RORB: variants seen among roughly 807,000 people sequenced by gnomAD.
RORB encodes nuclear receptor ROR-beta.
RORB carries 6 observed loss-of-function variants against 59.1 expected under a neutral mutation model. That is an observed-to-expected ratio of 0.10 (90% CI 0.06 to 0.20). RORB has a LOEUF of 0.20. RORB is among the 10% of genes least tolerant of loss of function. The pLI, the probability that RORB is intolerant of heterozygous loss-of-function variation, is 1.00. For synonymous variants in RORB, 215 were observed against 204.5 expected, an observed-to-expected ratio of 1.05 and a Z score of -0.44; for missense variants, 320 against 560.5, an observed-to-expected ratio of 0.57 and a Z score of 4.33.
intron 3 of RORB, 85 bp downstream of exon 3, chr9:74,634,857 T>C: frequency 7.9e-7 from 1 of 1,260,952 alleles, no homozygotes; most frequent in East Asian, 2.5e-5. Context: ...GGAAGAATTC[T>C]AGATGAGGGA....
At chr9:74,631,961 C>G (rs577464783) in intron 2 of RORB, among the ~76,000 whole-genome samples, 2 of 152,258 alleles carry the variant, frequency 1.3e-5, no homozygotes, top group African/African-American at 4.8e-5. Flanking sequence ...GAATCCTCTC[C>G]ATTGAAAGTA....
At chr9:74,596,312 G>C (rs890855442) in intron 1 of RORB, among the ~76,000 whole-genome samples, 2 of 152,078 alleles carry the variant, frequency 1.3e-5, no homozygotes, top group Non-Finnish European at 2.9e-5. Context: ...GAGAATTAAC[G>C]AATAAAAAGG....
chr9:74,516,357 G>A (rs1428337768), intron 1 of RORB, among the ~76,000 whole-genome samples: 1 of 151,972 alleles, frequency 6.6e-6, no homozygotes, highest in African/African-American at 2.4e-5. Flanking sequence ...CTGAGGCTCA[G>A]ACAGTCTTAG....
At chr9:74,518,357 T>A (rs1303130585) in intron 1 of RORB, among the ~76,000 whole-genome samples, 1 of 152,010 alleles carries the variant, frequency 6.6e-6, no homozygotes, top group Non-Finnish European at 1.5e-5. Flanking sequence ...TTGCCACCAA[T>A]GACCACACAC....
intron 1 of RORB, among the ~76,000 whole-genome samples, chr9:74,560,426 C>T (rs17684881): frequency 0.045 from 6,870 of 152,166 alleles, 195 homozygotes; most frequent in Middle Eastern, 0.099. Context: ...GCTGTATCTC[C>T]ATCTACGAAC....
chr9:74,610,028 A>G (rs1823210528), intron 1 of RORB, among the ~76,000 whole-genome samples: 1 of 152,220 alleles, frequency 6.6e-6, no homozygotes, highest in South Asian at 2.1e-4. Flanking sequence ...ATTTCTCTGT[A>G]CTTCTGTACT....
rs149137144 is a variant in RORB, at chr9:74,647,159, T to C, written c.637+4344T>C. ...GCTGGAATTTTACTTCAAACTGGCG[T>C]GATGGATGTGTTACATCTTTAGGGA... is the stretch of plus-strand genomic sequence containing the variant. On this transcript the variant is annotated intron_variant, in intron 4 of 9. Coordinates refer to ENST00000376896, the MANE Select transcript of RORB (RefSeq NM_006914.4). Among the ~76,000 whole-genome samples, 31 of 152,322 alleles carry C rather than the reference T, an allele frequency of 2.0e-4. 1 individual carries two copies. The highest frequency in any genetic ancestry group is 7.0e-4 in the African/African-American group (29 of 41,564).
At chr9:74,573,009 G>C (rs939660286) in intron 1 of RORB, among the ~76,000 whole-genome samples, 10 of 152,070 alleles carry the variant, frequency 6.6e-5, no homozygotes, top group Non-Finnish European at 1.3e-4. Context: ...TATCTTCTTT[G>C]TATTAAACTA....
chr9:74,664,267 G>A (rs991053513), intron 6 of RORB, among the ~76,000 whole-genome samples: 1 of 152,172 alleles, frequency 6.6e-6, no homozygotes, highest in Non-Finnish European at 1.5e-5. Context: ...GAGTCCCATG[G>A]AATCCAAATC....
At chr9:74,623,052 C>T (rs1823450152) in intron 1 of RORB, among the ~76,000 whole-genome samples, 1 of 152,180 alleles carries the variant, frequency 6.6e-6, no homozygotes, top group South Asian at 2.1e-4. Flanking sequence ...GTTGGATTTC[C>T]AGAACTACTG....
chr9:74,634,738 G>T lies in RORB; in HGVS notation c.201G>T (p.Leu67=), dbSNP rs111879886. ...TNRNRCQHCR[L]QKCLALGMSR... is the part of the protein sequence containing the mutation. ...GAAACCGTTGCCAACACTGCCGACT[G>T]CAGAAGTGTCTTGCCCTAGGAATGT... The change falls in exon 3 of 10, where the codon CTG becomes CTT. Residue 67 remains leucine (L), a synonymous_variant. Transcript: ENST00000376896. 5.6e-6 allele frequency: 9 copies of T among 1,613,526 alleles called. No individual in the cohort carries two copies. Among genetic ancestry groups the T allele is most frequent in the Non-Finnish European group, 7.6e-6 (9 of 1,179,650 alleles).
intron 3 of RORB, among the ~76,000 whole-genome samples, chr9:74,638,165 T>A (rs1174658994): frequency 3.3e-5 from 5 of 152,322 alleles, no homozygotes; most frequent in Admixed American, 6.5e-5. Flanking sequence ...GTAGATAAAA[T>A]GATTTTGGAA....
chr9:74,691,966 G>T lies in RORB; in HGVS notation c.*6348G>T, dbSNP rs1824747125. 6.6e-6 allele frequency: 1 copy of T among 152,014 alleles called. No homozygotes were observed. Among genetic ancestry groups the T allele is most frequent in the Non-Finnish European group, 1.5e-5 (1 of 67,998 alleles). The allele number at this position is 152,014 out of a possible 1,614,324, so 9.4% of individuals were successfully genotyped here. On this transcript the variant is annotated 3_prime_UTR_variant, in exon 10 of 10. Transcript: ENST00000376896. ...CGAAAAAGGAAAATTAAAAAAAAAA[G>T]TTGCCTGAGTTAAGTCATCTTTCCT...
At chr9:74,588,125 G>T (rs1225220135) in intron 1 of RORB, among the ~76,000 whole-genome samples, 1 of 151,928 alleles carries the variant, frequency 6.6e-6, no homozygotes, top group Non-Finnish European at 1.5e-5. Flanking sequence ...ATTTAATAAG[G>T]CAGGGAAATG....
Position 74,691,304 on chromosome 9 carries a change from C to T in RORB, c.*5686C>T, listed in dbSNP as rs969053718. 6.6e-5 allele frequency: 10 copies of T among 152,168 alleles called. No homozygotes were observed. Among genetic ancestry groups the T allele is most frequent in the African/African-American group, 2.2e-4 (9 of 41,432 alleles). 9.4% of individuals were successfully genotyped at this position (152,168 alleles called of 1,614,324 possible). ...ACGGGGCATCTGCACCCCAGCTGGG[C>T]AGCATGATCCTTGTATTCAACTATA... On this transcript the variant is annotated 3_prime_UTR_variant, in exon 10 of 10. Transcript: ENST00000376896.
intron 1 of RORB, among the ~76,000 whole-genome samples, chr9:74,546,377 A>G (rs1472474897): frequency 1.3e-5 from 2 of 152,176 alleles, no homozygotes; most frequent in Non-Finnish European, 2.9e-5. Context: ...GAGACCTTGG[A>G]GGATTGTCTG....
At chr9:74,671,999 T>C in intron 9 of RORB, 98 bp downstream of exon 9, 2 of 632,218 alleles carry the variant, frequency 3.2e-6, no homozygotes, top group East Asian at 2.8e-5. Flanking sequence ...GCAGCAACAA[T>C]TTCTGAAAGT....
At chr9:74,639,539 T>C (rs1158940642) in intron 3 of RORB, among the ~76,000 whole-genome samples, 1 of 152,164 alleles carries the variant, frequency 6.6e-6, no homozygotes, top group Admixed American at 6.5e-5. Flanking sequence ...AAATTTATGT[T>C]TTTGTGTTGG....
Position 74,685,601 on chromosome 9 carries a change from G to A in RORB, c.1363G>A (p.Ala455Thr). ...LYKELFNPDCATGCK is the reference protein window; with the variant it reads ...LYKELFNPDCTTGCK ...CAAGGAGCTCTTTAATCCTGACTGT[G>A]CCACCGGCTGCAAATGAAGGGGACA... is the stretch of plus-strand genomic sequence containing the variant. Residue 455 changes from alanine to threonine, a missense_variant, in exon 10 of 10, where the codon GCC becomes ACC. Ala to Thr is a moderately conservative substitution (Grantham distance 58). Transcript: ENST00000376896. The A allele has an allele frequency of 6.3e-7, 1 of 1,595,758 alleles. No homozygotes were observed.
Sources: gnomAD v4.1 joint callset for allele counts (sites outside exome capture counted in the v4.1 genomes callset) on GRCh38, gnomAD v4.1.1 for gene constraint, MANE v1.5 for transcripts, NCBI Gene and HGNC (gene_info 2026-07-23, HGNC 2026-07-21) for gene names.